The following MCTP1 variants were observed in gnomAD, a reference collection of about 807,000 sequenced individuals.
MCTP1 encodes the protein multiple C2 and transmembrane domain-containing protein 1.
In MCTP1, 69 loss-of-function variants were observed where a neutral mutation model predicts 120.6. That is an observed-to-expected ratio of 0.57 (90% CI 0.47 to 0.70). The LOEUF is 0.70. Ranked by LOEUF, MCTP1 falls within the 30% of genes least tolerant of loss-of-function variation. MCTP1 has a pLI of 0.00. For missense variants in MCTP1, 1,203 were observed against 1,248.8 expected (o/e 0.96, Z 0.55); for synonymous variants, 529 against 493.1 (o/e 1.07, Z -0.96).
intron 18 of MCTP1, among the ~76,000 whole-genome samples, chr5:94,797,273 A>G (rs1780300160): frequency 6.6e-6 from 1 of 152,182 alleles, no homozygotes; most frequent in African/African-American, 2.4e-5. Context: ...CCAGTGACTA[A>G]ATATTGAAGA....
At chr5:95,056,337 A>G (rs1033116799) in intron 1 of MCTP1, among the ~76,000 whole-genome samples, 1 of 152,184 alleles carries the variant, frequency 6.6e-6, no homozygotes, top group African/African-American at 2.4e-5. Context: ...GTGGGTAGAA[A>G]TATGCTTAAG....
chr5:95,235,005 A>G (rs1378512128), intron 1 of MCTP1, among the ~76,000 whole-genome samples: 1 of 152,146 alleles, frequency 6.6e-6, no homozygotes, highest in African/African-American at 2.4e-5. Context: ...TATTTCCCTG[A>G]TAAACAAAGA....
At chr5:95,050,039 G>C (rs115218725) in intron 1 of MCTP1, among the ~76,000 whole-genome samples, 1 of 151,468 alleles carries the variant, frequency 6.6e-6, no homozygotes, top group East Asian at 1.9e-4. Flanking sequence ...CTCTACCCCC[G>C]TTAGGCAACC....
intron 19 of MCTP1, among the ~76,000 whole-genome samples, chr5:94,737,333 G>A (rs188373132): frequency 1.1e-4 from 16 of 152,212 alleles, no homozygotes; most frequent in African/African-American, 3.4e-4. Flanking sequence ...ACATATTGGG[G>A]CACACATCTA....
intron 18 of MCTP1, chr5:94,793,260 G>A (rs573812374): frequency 6.6e-6 from 1 of 152,294 alleles, no homozygotes; most frequent in South Asian, 2.1e-4. Context: ...TAAACAGTTG[G>A]TGAACAGCTT....
intron 17 of MCTP1, among the ~76,000 whole-genome samples, chr5:94,807,532 G>A (rs982365149): frequency 1.3e-5 from 2 of 152,158 alleles, no homozygotes; most frequent in Non-Finnish European, 2.9e-5. Context: ...TGAAAGCACT[G>A]TTTGTGAATT....
At chr5:94,831,903 AT>A (rs1788591642) in intron 17 of MCTP1, among the ~76,000 whole-genome samples, 1 of 152,226 alleles carries the variant, frequency 6.6e-6, no homozygotes, top group Non-Finnish European at 1.5e-5. Context: ...TGCAATAACA[AT>A]AAAAAAGATG....
intron 12 of MCTP1, among the ~76,000 whole-genome samples, chr5:94,881,142 A>T (rs1285416467): frequency 1.3e-5 from 2 of 152,114 alleles, no homozygotes; most frequent in East Asian, 3.9e-4. Context: ...CTAAGACTTG[A>T]TATTAGAATT....
intron 19 of MCTP1, among the ~76,000 whole-genome samples, chr5:94,770,855 A>G (rs1236534209): frequency 1.3e-5 from 2 of 152,228 alleles, no homozygotes; most frequent in African/African-American, 2.4e-5. Context: ...AGGATTTTGG[A>G]GAACCCCAGG....
intron 2 of MCTP1, among the ~76,000 whole-genome samples, chr5:94,955,752 G>A (rs11135416): frequency 0.16 from 24,595 of 152,208 alleles, 2,205 homozygotes; most frequent in Non-Finnish European, 0.2. Context: ...CTGGAAGAAA[G>A]GCAGCAGCCA....
intron 1 of MCTP1, among the ~76,000 whole-genome samples, chr5:95,265,253 G>A (rs1290357861): frequency 1.3e-5 from 2 of 152,120 alleles, no homozygotes; most frequent in Admixed American, 6.5e-5. Context: ...CAGTCCAAGA[G>A]GTGTTCACAT....
At chr5:94,730,244 T>C (rs1762879451) in intron 19 of MCTP1, among the ~76,000 whole-genome samples, 1 of 152,194 alleles carries the variant, frequency 6.6e-6, no homozygotes, top group South Asian at 2.1e-4. Context: ...CACTGCAGCC[T>C]TAACTTCTGG....
chr5:94,949,966 A>G (rs1031653712), intron 3 of MCTP1, among the ~76,000 whole-genome samples: 3 of 152,144 alleles, frequency 2.0e-5, no homozygotes, highest in African/African-American at 7.2e-5. Flanking sequence ...CCACCAAGGT[A>G]CCTTATTTGA....
At chr5:95,091,033 G>C (rs1007768112) in intron 1 of MCTP1, among the ~76,000 whole-genome samples, 1 of 152,034 alleles carries the variant, frequency 6.6e-6, no homozygotes, top group Non-Finnish European at 1.5e-5. Flanking sequence ...AAATTACTTC[G>C]TAGACACCTC....
intron 18 of MCTP1, among the ~76,000 whole-genome samples, chr5:94,788,480 G>C (rs1216178891): frequency 3.3e-5 from 5 of 152,138 alleles, no homozygotes; most frequent in Non-Finnish European, 7.4e-5. Flanking sequence ...CTTTTAGCTT[G>C]TTAATTGGGG....
intron 1 of MCTP1, among the ~76,000 whole-genome samples, chr5:95,276,331 T>C (rs1759831444): frequency 7.3e-6 from 1 of 136,844 alleles, no homozygotes; most frequent in Admixed American, 8.5e-5. Context: ...CTATCTCAGC[T>C]CATTGCAACC....
intron 19 of MCTP1, among the ~76,000 whole-genome samples, chr5:94,737,747 C>T (rs980699736): frequency 6.6e-6 from 1 of 152,226 alleles, no homozygotes; most frequent in African/African-American, 2.4e-5. Context: ...GCGATCTTGG[C>T]TCACTGCAAC....
intron 17 of MCTP1, among the ~76,000 whole-genome samples, chr5:94,827,943 C>T (rs960253886): frequency 1.3e-5 from 2 of 151,906 alleles, no homozygotes; most frequent in African/African-American, 4.8e-5. Flanking sequence ...TTTGTTATTA[C>T]CCACCTTCTG....
rs376940361 is a variant in MCTP1, at chr5:95,085,207, CCTT to C, written c.721-67726_721-67724del. Among the ~76,000 whole-genome samples, 22 of 152,098 alleles carry C rather than the reference CCTT, an allele frequency of 1.4e-4. No individual in the cohort carries two copies. In the East Asian group the frequency reaches 2.3e-3, roughly 16 times the overall value. ...TACCTATCCCATTACCTATCCCATC[CCTT>C]CTTCTCTCTCCAAAAGTAAACGCCC... On this transcript the variant is annotated intron_variant, in intron 1 of 22. Coordinates refer to ENST00000515393, the MANE Select transcript of MCTP1 (RefSeq NM_024717.7).
Sources: gnomAD v4.1 joint callset for allele counts (sites outside exome capture counted in the v4.1 genomes callset) on GRCh38, gnomAD v4.1.1 for gene constraint, MANE v1.5 for transcripts, NCBI Gene and HGNC (gene_info 2026-07-23, HGNC 2026-07-21) for gene names.